PLAC1: variants seen among roughly 807,000 people sequenced by gnomAD.
The protein encoded by PLAC1 is placenta associated 1.
For missense variants in PLAC1, 136 were observed against 163.2 expected (o/e 0.83, Z 0.91); for synonymous variants, 68 against 62.1 (o/e 1.09, Z -0.44).
intron 1 of PLAC1, among the ~76,000 whole-genome samples, chrX:134,632,887 C>T (rs1218906518): frequency 9.0e-6 from 1 of 111,369 alleles, no homozygotes; most frequent in East Asian, 2.8e-4. Context: ...TGGCCACTCA[C>T]CTCTTCAAAA....
chrX:134,664,347 T>C (rs905627718), intron 2 of PLAC1, among the ~76,000 whole-genome samples: 6 of 112,038 alleles, frequency 5.4e-5, no homozygotes, highest in African/African-American at 1.9e-4. Flanking sequence ...ACATGCCTGG[T>C]TTTGATTATA....
At chrX:134,569,766 GTGTGTGTGTGTGTGTGTGTGTT>G (rs2077896126) in intron 2 of PLAC1, among the ~76,000 whole-genome samples, 1 of 104,712 alleles carries the variant, frequency 9.6e-6, no homozygotes, top group African/African-American at 3.5e-5. Context: ...GTGTGTGTGT[GTGTGTGTGTGTGTGTGTGTGTT>G]TGTGTGTGTG....
At chrX:134,646,487 C>A (rs929647897) in intron 1 of PLAC1, among the ~76,000 whole-genome samples, 1 of 112,167 alleles carries the variant, frequency 8.9e-6, no homozygotes, top group Non-Finnish European at 1.9e-5. Flanking sequence ...GAATCTCTCT[C>A]CAACATCAGG....
intron 2 of PLAC1, among the ~76,000 whole-genome samples, chrX:134,672,434 C>T (rs1305621557): frequency 8.9e-6 from 1 of 111,774 alleles, no homozygotes; most frequent in African/African-American, 3.3e-5. Flanking sequence ...CTCTCTCTTG[C>T]TCTCTCTTCC....
intron 1 of PLAC1, among the ~76,000 whole-genome samples, chrX:134,737,873 C>T (rs748411263): frequency 8.9e-6 from 1 of 112,364 alleles, no homozygotes; most frequent in African/African-American, 3.2e-5. Context: ...AAGGCAAATG[C>T]TTATGGTGTT....
chrX:134,598,524 G>A (rs1384838900), intron 2 of PLAC1, among the ~76,000 whole-genome samples: 1 of 112,500 alleles, frequency 8.9e-6, no homozygotes, highest in African/African-American at 3.2e-5. Context: ...TGTTGCATGA[G>A]TGAATGCTGC....
intron 1 of PLAC1, among the ~76,000 whole-genome samples, chrX:134,605,373 A>C (rs1039643017): frequency 8.9e-6 from 1 of 112,201 alleles, no homozygotes; most frequent in Non-Finnish European, 1.9e-5. Flanking sequence ...ATGTCCATTC[A>C]TCCAGCTTCA....
intron 1 of PLAC1, among the ~76,000 whole-genome samples, chrX:134,751,211 CA>C (rs1428499905): frequency 3.7e-5 from 4 of 107,462 alleles, no homozygotes; most frequent in African/African-American, 1.0e-4. Flanking sequence ...AGCCACATTT[CA>C]AGTACTCAAC....
chrX:134,644,787 T>C (rs1469619363), intron 1 of PLAC1, among the ~76,000 whole-genome samples: 1 of 111,681 alleles, frequency 9.0e-6, no homozygotes, highest in African/African-American at 3.3e-5. Flanking sequence ...CTACTCTATC[T>C]GGTTAGTTTT....
chrX:134,690,921 G>A (rs1157304029), intron 2 of PLAC1, among the ~76,000 whole-genome samples: 3 of 72,012 alleles, frequency 4.2e-5, no homozygotes, highest in Admixed American at 2.3e-4. Flanking sequence ...CAGCCTGGGC[G>A]ACAGAGCAAG....
At chrX:134,663,286 C>T (rs776772062), upstream of PLAC1, among the ~76,000 whole-genome samples, 1 of 112,668 alleles carries the variant, frequency 8.9e-6, no homozygotes, top group Admixed American at 9.3e-5. Flanking sequence ...TTAATTGCCA[C>T]CTTAGGTTGG....
At chrX:134,703,245 A>G (rs1307005749) in intron 2 of PLAC1, among the ~76,000 whole-genome samples, 1 of 112,059 alleles carries the variant, frequency 8.9e-6, no homozygotes, top group Non-Finnish European at 1.9e-5. Context: ...AACCTAGACA[A>G]ATCATAGTGA....
At chrX:134,573,822 T>C (rs1200223926) in intron 2 of PLAC1, among the ~76,000 whole-genome samples, 1 of 111,540 alleles carries the variant, frequency 9.0e-6, no homozygotes, top group Admixed American at 9.6e-5. Context: ...CAAAGCTACC[T>C]TGTGCATGCC....
chrX:134,721,708 C>T (rs2078657854), intron 2 of PLAC1, among the ~76,000 whole-genome samples: 1 of 106,424 alleles, frequency 9.4e-6, no homozygotes, highest in African/African-American at 3.4e-5. Context: ...ACTAAAAATA[C>T]AAAAATTAGC....
chrX:134,598,401 A>G (rs759014609), intron 2 of PLAC1, among the ~76,000 whole-genome samples: 2 of 112,121 alleles, frequency 1.8e-5, no homozygotes, highest in African/African-American at 6.5e-5. Context: ...TTAAGAAACT[A>G]TGAAGAAAGA....
intron 1 of PLAC1, among the ~76,000 whole-genome samples, chrX:134,608,679 CTTTTT>C (rs61216654): frequency 2.2e-5 from 2 of 90,101 alleles, no homozygotes. Flanking sequence ...TTTCTTTTTT[CTTTTT>C]TTTTTTTTTT....
intron 1 of PLAC1, among the ~76,000 whole-genome samples, chrX:134,657,591 C>T (rs2078398371): frequency 8.9e-6 from 1 of 111,871 alleles, no homozygotes; most frequent in Non-Finnish European, 1.9e-5. Context: ...GATTAGAATG[C>T]AATTTATTCT....
intron 2 of PLAC1, among the ~76,000 whole-genome samples, chrX:134,670,525 T>C (rs923444318): frequency 1.8e-5 from 2 of 109,535 alleles, no homozygotes; most frequent in African/African-American, 3.3e-5. Flanking sequence ...GGAATGGGAG[T>C]GGGTGAGGTT....
intron 1 of PLAC1, among the ~76,000 whole-genome samples, chrX:134,608,458 T>C (rs1280371640): frequency 1.8e-5 from 2 of 111,648 alleles, no homozygotes; most frequent in Non-Finnish European, 3.8e-5. Flanking sequence ...CCCAGTTACA[T>C]GAAATATCCA....
Sources: allele counts gnomAD v4.1 joint callset (sites outside exome capture counted in the v4.1 genomes callset), GRCh38; gene constraint gnomAD v4.1.1; transcripts MANE v1.5; gene names NCBI Gene and HGNC (gene_info 2026-07-23, HGNC 2026-07-21).